Variants in MON2 observed in about 807,000 individuals in gnomAD.
The protein encoded by MON2 is MON2 regulator of endosome-to-Golgi trafficking.
Under a neutral mutation model 208.6 loss-of-function variants are expected in MON2, and 84 were observed. That is an observed-to-expected ratio of 0.40 (90% confidence interval 0.34 to 0.48). The LOEUF (loss-of-function observed/expected upper bound fraction) is 0.48, where lower values mean the gene tolerates loss of function less well. Ranked by LOEUF, MON2 falls within the 20% of genes least tolerant of loss-of-function variation. The probability of loss-of-function intolerance (pLI) is 0.59; values close to 1 mark genes in which losing one functional copy is unlikely to be tolerated. For synonymous variants in MON2, 660 were observed against 694.0 expected, an observed-to-expected ratio of 0.95 and a Z score of 0.77; for missense variants, 1,611 against 2,015.4, an observed-to-expected ratio of 0.80 and a Z score of 3.84.
Position 62,498,916 on chromosome 12 carries a change from C to T in MON2, c.436-3C>T. The T allele has an allele frequency of 6.3e-7, 1 of 1,592,358 alleles. No individual in the cohort carries two copies. Among genetic ancestry groups the T allele is most frequent in the South Asian group, 1.2e-5 (1 of 86,876 alleles). Reference sequence around the variant, plus strand: ...TCACACTAAATGAAAATTGTGTTTTCAGGCAATCGTTCTTTGTTTTCGACT... The same window carrying T: ...TCACACTAAATGAAAATTGTGTTTTTAGGCAATCGTTCTTTGTTTTCGACT... On this transcript the variant is annotated splice_polypyrimidine_tract_variant and splice_region_variant and intron_variant, in intron 4 of 34. Coordinates refer to ENST00000393630, the MANE Select transcript of MON2 (RefSeq NM_015026.3).
At chr12:62,488,909 T>C (rs2069948757) in intron 2 of MON2, among the ~76,000 whole-genome samples, 1 of 152,076 alleles carries the variant, frequency 6.6e-6, no homozygotes, top group South Asian at 2.1e-4. Context: ...AGATGATAGG[T>C]TGATGGGTGC....
At chr12:62,523,103 G>T (rs1218452847) in intron 8 of MON2, among the ~76,000 whole-genome samples, 3 of 152,144 alleles carry the variant, frequency 2.0e-5, no homozygotes, top group Non-Finnish European at 1.5e-5. Flanking sequence ...TTGTAAAGCT[G>T]ATATTGCACT....
intron 5 of MON2, 47 bp from the exon 6 acceptor site, chr12:62,500,736 T>C (rs760877619): frequency 2.4e-6 from 2 of 822,170 alleles, no homozygotes; most frequent in East Asian, 5.4e-5. Context: ...ATATAATTTA[T>C]TAAAGGCTAT....
rs2068992533 is a variant in MON2, at chr12:62,475,004, C to G, written c.111+7686C>G. Among the ~76,000 whole-genome samples the G allele has an allele frequency of 2.6e-5, 4 of 152,290 alleles. No homozygotes were observed. In the South Asian group the frequency reaches 8.3e-4, roughly 32 times the overall value. ...TGACATACATTAATAGCATACATGA[C>G]TTCAAATCATTCTGTATGTCACCCA... On this transcript the variant is annotated intron_variant, in intron 1 of 34. Transcript: ENST00000393630.
At chr12:62,553,659 C>T (rs1251891428) in intron 24 of MON2, among the ~76,000 whole-genome samples, 2 of 152,194 alleles carry the variant, frequency 1.3e-5, no homozygotes, top group East Asian at 3.9e-4. Context: ...ACAAAAGTAA[C>T]CTCCAAATGG....
Position 62,591,143 on chromosome 12 carries a change from G to A in MON2, c.4991-1443G>A, listed in dbSNP as rs533481709. On this transcript the variant is annotated intron_variant, in intron 34 of 34. Transcript: ENST00000393630. ...AAATGATTAGTGTAAAGTTTCACAG[G>A]AGACAACTGAAGCAGAATTTTTAAA... Among the ~76,000 whole-genome samples the A allele has an allele frequency of 5.3e-4, 80 of 151,722 alleles. No individual in the cohort carries two copies. In the Middle Eastern group the frequency reaches 0.01, roughly 19 times the overall value.
At chr12:62,499,668 T>C (rs2070728437) in intron 5 of MON2, among the ~76,000 whole-genome samples, 1 of 151,816 alleles carries the variant, frequency 6.6e-6, no homozygotes. Flanking sequence ...GACTCAGGAG[T>C]TTGAGACCAG....
intron 34 of MON2, among the ~76,000 whole-genome samples, chr12:62,589,329 C>T (rs2075318229): frequency 6.6e-6 from 1 of 152,088 alleles, no homozygotes. Context: ...CCTTAAGGAG[C>T]ATTACTTTTA....
At position 62,585,462 on chromosome 12, in the gene MON2, T is replaced by A. The variant is rs201522160; in HGVS notation, c.4868T>A (p.Ile1623Lys). 19 of 1,612,500 alleles carry A rather than the reference T, an allele frequency of 1.2e-5. No homozygotes were observed. Among genetic ancestry groups the A allele is most frequent in the Non-Finnish European group, 1.6e-5 (19 of 1,178,922 alleles). The change falls in exon 33 of 35, where the codon ATA (isoleucine) becomes AAA (lysine). Residue 1623 changes from isoleucine (I) to lysine (K), a missense_variant. Transcript: ENST00000393630. ...KRSQDVLHRYIEDERLSGKCP... is the reference protein window; with the variant it reads ...KRSQDVLHRYKEDERLSGKCP... ...TCCCAAGATGTACTACATCGCTATATAGAGGATGAAAGATTAAGTGGTAAA... is the reference window on the plus strand; with the variant it reads ...TCCCAAGATGTACTACATCGCTATAAAGAGGATGAAAGATTAAGTGGTAAA...
At chr12:62,481,360 A>G (rs376855595) in intron 1 of MON2, among the ~76,000 whole-genome samples, 4 of 152,020 alleles carry the variant, frequency 2.6e-5, no homozygotes, top group East Asian at 3.9e-4. Context: ...CCTCGTCTCT[A>G]CTAAAAATAC....
At chr12:62,485,876 G>A (rs1272631605) in intron 2 of MON2, among the ~76,000 whole-genome samples, 1 of 152,100 alleles carries the variant, frequency 6.6e-6, no homozygotes, top group African/African-American at 2.4e-5. Context: ...GCTAATTTTT[G>A]TATTTTTAGT....
At chr12:62,588,949 C>CT in intron 34 of MON2, 1 of 1,306,698 alleles carries the variant, frequency 7.7e-7, no homozygotes, top group Non-Finnish European at 1.0e-6. Flanking sequence ...GAATGCAAAG[C>CT]TTTTTTATGT....
chr12:62,553,128 A>G lies in MON2; in HGVS notation c.3164A>G (p.His1055Arg). Residue 1055 changes from histidine to arginine, a missense_variant, in exon 24 of 35, where the codon CAT (histidine) becomes CGT (arginine). His to Arg is a conservative substitution (Grantham distance 29). Coordinates refer to ENST00000393630, the MANE Select transcript of MON2 (RefSeq NM_015026.3). ...ACTCTGTTTTCTACAATTGGTGCGC[A>G]TGGAACTTTATTACAGCATTCAACC... ...GQTLFSTIGA[H>R]GTLLQHSTWH... 6.2e-7 allele frequency: 1 copy of G among 1,614,202 alleles called. No homozygotes were observed. Among genetic ancestry groups the G allele is most frequent in the East Asian group, 2.2e-5 (1 of 44,876 alleles).
At chr12:62,538,564 C>T (rs2073088105) in intron 19 of MON2, 59 bp downstream of exon 19, 1 of 1,129,476 alleles carries the variant, frequency 8.9e-7, no homozygotes, top group Admixed American at 1.8e-5. Context: ...AGATGTACAT[C>T]CATTATGATC....
chr12:62,538,337 T>C lies in MON2; in HGVS notation c.2273+12T>C. 6.2e-7 allele frequency: 1 copy of C among 1,603,732 alleles called. No individual in the cohort carries two copies. Among genetic ancestry groups the C allele is most frequent in the Non-Finnish European group, 8.5e-7 (1 of 1,170,886 alleles). ...TTTGAAAGCTCACAGTAAGAGTCAGTTTTTTTAATTGATAAAAACATTGTT... is the reference window on the plus strand; with the variant it reads ...TTTGAAAGCTCACAGTAAGAGTCAGCTTTTTTAATTGATAAAAACATTGTT... On this transcript the variant is annotated intron_variant, in intron 18 of 34. Transcript: ENST00000393630.
chr12:62,509,362 G>A (rs897972162), intron 8 of MON2, among the ~76,000 whole-genome samples: 2 of 151,980 alleles, frequency 1.3e-5, no homozygotes, highest in African/African-American at 2.4e-5. Context: ...TGATCCACCC[G>A]CCTCAACCTC....
chr12:62,544,654 T>C (rs1486678292), intron 20 of MON2: 1 of 850,148 alleles, frequency 1.2e-6, no homozygotes, highest in East Asian at 4.1e-5. Context: ...TTGCTTCTTT[T>C]GTTTACCCTG....
At position 62,538,276 on chromosome 12, in the gene MON2, G is replaced by A; in HGVS notation, c.2224G>A (p.Asp742Asn). ...STVLTTAVMT[D>N]LPVISNILSR... is the part of the protein sequence containing the mutation. ...GGTTCTAACAACAGCAGTGATGACAGATTTACCAGTGATTTCCAATATACT... is the reference window on the plus strand; with the variant it reads ...GGTTCTAACAACAGCAGTGATGACAAATTTACCAGTGATTTCCAATATACT... Residue 742 changes from aspartate to asparagine, a missense_variant, in exon 18 of 35, where the codon GAT becomes AAT. By Grantham distance (23) the Asp-to-Asn change is conservative. Coordinates refer to ENST00000393630, the MANE Select transcript of MON2 (RefSeq NM_015026.3). The A allele has an allele frequency of 6.2e-7, 1 of 1,613,650 alleles. No homozygotes were observed. The highest frequency in any genetic ancestry group is 8.5e-7 in the Non-Finnish European group (1 of 1,179,662).
chr12:62,482,105 C>A (rs1197784391), intron 1 of MON2, among the ~76,000 whole-genome samples: 1 of 152,202 alleles, frequency 6.6e-6, no homozygotes, highest in Non-Finnish European at 1.5e-5. Flanking sequence ...AGAAAGAATT[C>A]TTTGTTGTCT....
Sources: allele counts gnomAD v4.1 joint callset (sites outside exome capture counted in the v4.1 genomes callset), GRCh38; gene constraint gnomAD v4.1.1; transcripts MANE v1.5; gene names NCBI Gene and HGNC (gene_info 2026-07-23, HGNC 2026-07-21).